Variants in AHCYL2 observed in about 807,000 individuals in gnomAD.
The protein encoded by AHCYL2 is adenosylhomocysteinase like 2.
In AHCYL2, 28 loss-of-function variants were observed where a neutral mutation model predicts 81.4. That is an observed-to-expected ratio of 0.34 (90% CI 0.25 to 0.47). The LOEUF is 0.47. Among genes scored for constraint, AHCYL2 ranks in the 20% least tolerant of loss-of-function variants. The pLI, the probability that AHCYL2 is intolerant of heterozygous loss-of-function variation, is 1.00. For missense variants in AHCYL2, 551 were observed against 785.1 expected (o/e 0.70, Z 3.56); for synonymous variants, 272 against 290.2 (o/e 0.94, Z 0.64).
chr7:129,330,075 G>C (rs1798363721), intron 1 of AHCYL2, among the ~76,000 whole-genome samples: 2 of 152,148 alleles, frequency 1.3e-5, no homozygotes, highest in Non-Finnish European at 2.9e-5. Context: ...CACGATCATA[G>C]GTGAGCTTGA....
chr7:129,304,084 TAAAC>T (rs140419977), intron 1 of AHCYL2, among the ~76,000 whole-genome samples: 10,284 of 152,116 alleles, frequency 0.068, 1,149 homozygotes, highest in African/African-American at 0.23. Flanking sequence ...AATAAATAAA[TAAAC>T]AAACAAACTT....
At chr7:129,248,754 G>A (rs1220278267) in intron 1 of AHCYL2, among the ~76,000 whole-genome samples, 10 of 151,734 alleles carry the variant, frequency 6.6e-5, no homozygotes, top group Non-Finnish European at 2.9e-5. Flanking sequence ...GAATCTGTAG[G>A]TCAATTCGGG....
chr7:129,373,506 A>C (rs1794520519), intron 1 of AHCYL2, among the ~76,000 whole-genome samples: 1 of 152,058 alleles, frequency 6.6e-6, no homozygotes, highest in Non-Finnish European at 1.5e-5. Flanking sequence ...AGACTGAGGC[A>C]GGAGAATCAC....
At chr7:129,234,083 C>T (rs565699724) in intron 1 of AHCYL2, among the ~76,000 whole-genome samples, 1 of 151,672 alleles carries the variant, frequency 6.6e-6, no homozygotes, top group South Asian at 2.1e-4. Context: ...TGAAGTCTCA[C>T]TCTGTAGCCC....
chr7:129,226,548 G>A (rs3734969), intron 1 of AHCYL2, among the ~76,000 whole-genome samples: 1 of 152,020 alleles, frequency 6.6e-6, no homozygotes, highest in Non-Finnish European at 1.5e-5. Context: ...ACAAAGAGAC[G>A]GGAAGTGTGC....
intron 1 of AHCYL2, among the ~76,000 whole-genome samples, chr7:129,308,661 CAGG>C (rs906040058): frequency 6.6e-6 from 1 of 152,144 alleles, no homozygotes; most frequent in Admixed American, 6.5e-5. Flanking sequence ...CATGTCTTCT[CAGG>C]AGAAGATTCT....
chr7:129,305,135 T>C (rs1797393448), intron 1 of AHCYL2, among the ~76,000 whole-genome samples: 1 of 152,154 alleles, frequency 6.6e-6, no homozygotes, highest in African/African-American at 2.4e-5. Context: ...CAACACCGAT[T>C]GTATAAACAG....
At chr7:129,238,952 A>T (rs1794735715) in intron 1 of AHCYL2, among the ~76,000 whole-genome samples, 2 of 151,484 alleles carry the variant, frequency 1.3e-5, no homozygotes, top group Non-Finnish European at 2.9e-5. Context: ...ACTCCGTCTC[A>T]AAAAAAAAGA....
At chr7:129,370,594 A>G (rs577244396) in intron 1 of AHCYL2, among the ~76,000 whole-genome samples, 1 of 152,312 alleles carries the variant, frequency 6.6e-6, no homozygotes, top group African/African-American at 2.4e-5. Flanking sequence ...GCTACTCTGG[A>G]GGCTGAGGCA....
At chr7:129,416,171 G>GA (rs1317909388) in intron 12 of AHCYL2, among the ~76,000 whole-genome samples, 1 of 152,006 alleles carries the variant, frequency 6.6e-6, no homozygotes, top group Non-Finnish European at 1.5e-5. Flanking sequence ...TTCAAATCAT[G>GA]ATGGTAATCT....
chr7:129,369,550 G>GTT lies in AHCYL2; in HGVS notation c.364-10069_364-10068dup, dbSNP rs35051098. On this transcript the variant is annotated intron_variant, in intron 1 of 16. Transcript: ENST00000325006. Reference sequence around the variant, plus strand: ...TGTCGTTTCAGAACATTGTGTTCAGGTTTTTTTTTTTTTTTTTTTTGAAAT... The same window carrying GTT: ...TGTCGTTTCAGAACATTGTGTTCAGGTTTTTTTTTTTTTTTTTTTTTTGAAAT... Among the ~76,000 whole-genome samples the GTT allele has an allele frequency of 6.7e-4, 89 of 132,496 alleles. 1 individual carries two copies. Among genetic ancestry groups the GTT allele is most frequent in the South Asian group, 1.2e-3 (5 of 4,106 alleles). The allele number at this position is 132,496 out of a possible 152,430, so 86.9% of individuals were successfully genotyped here. A position where few individuals can be genotyped will look rare whatever the true frequency, so the allele number is the denominator to read the frequency against.
intron 1 of AHCYL2, among the ~76,000 whole-genome samples, chr7:129,255,549 G>T (rs530727766): frequency 2.2e-4 from 34 of 152,296 alleles, no homozygotes; most frequent in African/African-American, 7.9e-4. Flanking sequence ...GCATAGACAC[G>T]TCATCTATTT....
At chr7:129,372,150 A>G (rs964690253) in intron 1 of AHCYL2, among the ~76,000 whole-genome samples, 1 of 152,224 alleles carries the variant, frequency 6.6e-6, no homozygotes, top group African/African-American at 2.4e-5. Flanking sequence ...TTAATTTGAA[A>G]GAATAGAAAT....
intron 1 of AHCYL2, among the ~76,000 whole-genome samples, chr7:129,290,085 T>G (rs940979717): frequency 2.6e-5 from 4 of 152,146 alleles, no homozygotes; most frequent in East Asian, 3.9e-4. Context: ...GCATATATAT[T>G]TCTTCTAATA....
chr7:129,256,285 G>T (rs1795417171), intron 1 of AHCYL2, among the ~76,000 whole-genome samples: 1 of 152,108 alleles, frequency 6.6e-6, no homozygotes, highest in African/African-American at 2.4e-5. Context: ...AAAATCAAAA[G>T]ATATAAAAAG....
intron 4 of AHCYL2, among the ~76,000 whole-genome samples, chr7:129,395,100 A>G (rs1458209770): frequency 6.6e-6 from 1 of 152,068 alleles, no homozygotes; most frequent in Non-Finnish European, 1.5e-5. Context: ...TTTAGAGTTC[A>G]TTGTATATCA....
chr7:129,402,836 C>T (rs1796099397), intron 6 of AHCYL2, among the ~76,000 whole-genome samples: 1 of 152,084 alleles, frequency 6.6e-6, no homozygotes, highest in Non-Finnish European at 1.5e-5. Context: ...TGGGAGAGTG[C>T]CTATACTTTG....
chr7:129,380,130 T>G (rs1794889038), intron 2 of AHCYL2, among the ~76,000 whole-genome samples: 1 of 152,182 alleles, frequency 6.6e-6, no homozygotes, highest in African/African-American at 2.4e-5. Context: ...ATCTGGTACT[T>G]GCAAATTAAC....
At chr7:129,356,907 T>C (rs1399783850) in intron 1 of AHCYL2, among the ~76,000 whole-genome samples, 1 of 152,258 alleles carries the variant, frequency 6.6e-6, no homozygotes, top group Non-Finnish European at 1.5e-5. Context: ...CTCTAGGTCT[T>C]GGCTTCTTTA....
Sources: allele counts gnomAD v4.1 joint callset (sites outside exome capture counted in the v4.1 genomes callset), GRCh38; gene constraint gnomAD v4.1.1; transcripts MANE v1.5; gene names NCBI Gene and HGNC (gene_info 2026-07-23, HGNC 2026-07-21).